ABLIM1: variants seen among roughly 807,000 people sequenced by gnomAD.
ABLIM1 encodes actin-binding LIM protein 1.
ABLIM1 carries 40 observed loss-of-function variants against 107.0 expected under a neutral mutation model. The ratio of observed to expected loss-of-function variants is 0.37; its 90% CI spans 0.29 to 0.49. The LOEUF (loss-of-function observed/expected upper bound fraction) is 0.49. ABLIM1 is among the 20% of genes least tolerant of loss of function. The pLI is 0.97. For missense variants in ABLIM1, 857 were observed against 1,008.5 expected, an observed-to-expected ratio of 0.85 and a Z score of 2.04; for synonymous variants, 357 against 357.3, an observed-to-expected ratio of 1.00 and a Z score of 0.01.
chr10:114,475,459 T>C (rs1278607274), intron 8 of ABLIM1, among the ~76,000 whole-genome samples: 1 of 152,216 alleles, frequency 6.6e-6, no homozygotes, highest in African/African-American at 2.4e-5. Flanking sequence ...CCTCATTAAC[T>C]TTAGTCATGC....
intron 1 of ABLIM1, among the ~76,000 whole-genome samples, chr10:114,628,317 A>G (rs2077949902): frequency 6.6e-6 from 1 of 152,254 alleles, no homozygotes; most frequent in Non-Finnish European, 1.5e-5. Flanking sequence ...TTTGATTGTC[A>G]TGAGTAAGAA....
At chr10:114,481,190 T>C (rs75518635) in intron 8 of ABLIM1, among the ~76,000 whole-genome samples, 5,059 of 152,132 alleles carry the variant, frequency 0.033, 242 homozygotes, top group African/African-American at 0.11. Context: ...AGTAAGTAGA[T>C]AAATGACATT....
At position 114,500,771 on chromosome 10, in the gene ABLIM1, G is replaced by GGGAAGGGAAGGGAAGGGAAA. The variant is rs2060318656; in HGVS notation, c.895-8894_895-8893insTTTCCCTTCCCTTCCCTTCC. On this transcript the variant is annotated intron_variant, in intron 6 of 22. Transcript: ENST00000533213. Reference sequence around the variant, plus strand: ...GGGAAGGGAAGGGAAGGGAAGGGAAGGGAAGGGAAGGGAAGGGAAGGGAGC... The same window carrying GGGAAGGGAAGGGAAGGGAAA: ...GGGAAGGGAAGGGAAGGGAAGGGAAGGGAAGGGAAGGGAAGGGAAAGGAAGGGAAGGGAAGGGAAGGGAGC... 4.5e-4 allele frequency among the ~76,000 whole-genome samples: 65 copies of GGGAAGGGAAGGGAAGGGAAA among 145,452 alleles called. 1 individual carries two copies. Among genetic ancestry groups the GGGAAGGGAAGGGAAGGGAAA allele is most frequent in the African/African-American group, 1.4e-3 (54 of 37,422 alleles).
intron 4 of ABLIM1, among the ~76,000 whole-genome samples, chr10:114,551,417 T>G (rs2068044091): frequency 6.6e-6 from 1 of 152,114 alleles, no homozygotes; most frequent in Non-Finnish European, 1.5e-5. Flanking sequence ...GGAGTTACAC[T>G]CTATACAAAT....
At chr10:114,590,641 C>A (rs570073591) in intron 2 of ABLIM1, among the ~76,000 whole-genome samples, 1 of 152,128 alleles carries the variant, frequency 6.6e-6, no homozygotes, top group Non-Finnish European at 1.5e-5. Flanking sequence ...AAGCCTGTCA[C>A]TGATGCTGAG....
At chr10:114,518,903 G>A (rs1471890470) in intron 6 of ABLIM1, among the ~76,000 whole-genome samples, 1 of 152,074 alleles carries the variant, frequency 6.6e-6, no homozygotes, top group Non-Finnish European at 1.5e-5. Context: ...CCTAGAAGCA[G>A]GTGGGAACTT....
intron 1 of ABLIM1, among the ~76,000 whole-genome samples, chr10:114,652,270 C>A (rs572416409): frequency 6.6e-6 from 1 of 152,270 alleles, no homozygotes; most frequent in East Asian, 1.9e-4. Context: ...ATACCCAAGA[C>A]GCTTCCCCTA....
At chr10:114,780,891 A>T in the ABLIM1 span, among the ~76,000 whole-genome samples, 1 of 152,146 alleles carries the variant, frequency 6.6e-6, no homozygotes, top group East Asian at 1.9e-4. Flanking sequence ...ATTTTGTTCT[A>T]AGTCCTTAAG....
chr10:114,599,607 G>A (rs1396457738), intron 2 of ABLIM1, among the ~76,000 whole-genome samples: 1 of 151,548 alleles, frequency 6.6e-6, no homozygotes, highest in African/African-American at 2.4e-5. Flanking sequence ...CCCCATCTCT[G>A]CTGAAAAAAA....
In ABLIM1 at chr10:114,509,408, C is replaced by T. The variant is rs187918437; in HGVS notation, c.895-17530G>A. Among the ~76,000 whole-genome samples, 489 of 152,222 alleles carry T rather than the reference C, an allele frequency of 3.2e-3. 1 individual carries two copies. The highest frequency in any genetic ancestry group is 6.8e-3 in the Middle Eastern group (2 of 294). ...TCTTTGCTCCCCTTGTCCCACCAGT[C>T]GGTCTCCAGGCTCTTATTATCCTTC... On this transcript the variant is annotated intron_variant, in intron 6 of 22. Coordinates refer to ENST00000533213, the MANE Select transcript of ABLIM1 (RefSeq NM_002313.7).
chr10:114,562,888 C>A (rs1016769033), intron 4 of ABLIM1, among the ~76,000 whole-genome samples: 5 of 152,114 alleles, frequency 3.3e-5, no homozygotes, highest in Admixed American at 1.3e-4. Context: ...CCAGTCCTTG[C>A]CGTTCAGTAG....
At chr10:114,559,190 C>T (rs1033028893) in intron 4 of ABLIM1, among the ~76,000 whole-genome samples, 11 of 151,902 alleles carry the variant, frequency 7.2e-5, no homozygotes, top group Admixed American at 4.6e-4. Context: ...GGTTCTCTTT[C>T]GCCTGAAAAT....
chr10:114,765,571 T>C (rs1007392868), intron 1 of ABLIM1, among the ~76,000 whole-genome samples: 3 of 152,192 alleles, frequency 2.0e-5, no homozygotes, highest in African/African-American at 7.2e-5. Flanking sequence ...AGCAGATGAC[T>C]GAATTGAAAC....
At chr10:114,651,609 T>C (rs1263891831) in intron 1 of ABLIM1, among the ~76,000 whole-genome samples, 1 of 152,106 alleles carries the variant, frequency 6.6e-6, no homozygotes, top group African/African-American at 2.4e-5. Context: ...GCTTGAAACG[T>C]ATGATTCTGG....
intron 1 of ABLIM1, among the ~76,000 whole-genome samples, chr10:114,695,069 G>A (rs944984222): frequency 6.6e-6 from 1 of 152,162 alleles, no homozygotes; most frequent in Non-Finnish European, 1.5e-5. Flanking sequence ...TATGTACTGA[G>A]AGTTTAGCAT....
At chr10:114,513,022 G>C (rs2062170306) in intron 6 of ABLIM1, among the ~76,000 whole-genome samples, 1 of 152,030 alleles carries the variant, frequency 6.6e-6, no homozygotes, top group South Asian at 2.1e-4. Context: ...TAGTCAAGAA[G>C]ACAGTCACCT....
At chr10:114,500,683 GAAAAA>G (rs71007473) in intron 6 of ABLIM1, among the ~76,000 whole-genome samples, 9 of 52,532 alleles carry the variant, frequency 1.7e-4, no homozygotes, top group African/African-American at 4.6e-4. Flanking sequence ...TGTGTCGAAA[GAAAAA>G]AAAAAAAAAA....
intron 12 of ABLIM1, among the ~76,000 whole-genome samples, chr10:114,460,814 C>A (rs1399100990): frequency 1.3e-5 from 2 of 152,176 alleles, no homozygotes; most frequent in African/African-American, 4.8e-5. Flanking sequence ...TGCCCATGGG[C>A]TTTTCAACTC....
In ABLIM1 at chr10:114,707,897, GT is replaced by G. The variant is rs2141915476; in HGVS notation, c.-213+60163del. Reference sequence around the variant, plus strand: ...GCCTGGGCGACAAGAGCAAAACTCCGTCTCAAAACAAACAAACAAACAAACA... The same window carrying G: ...GCCTGGGCGACAAGAGCAAAACTCCGCTCAAAACAAACAAACAAACAAACA... On this transcript the variant is annotated intron_variant, in intron 1 of 15. Coordinates refer to the ABLIM1 transcript ENST00000651092. This position sits in a 1 kb window ranked among gnomAD's most constrained non-coding sequence, Gnocchi z 4.1. Among the ~76,000 whole-genome samples the G allele has an allele frequency of 6.6e-6, 1 of 151,182 alleles. No homozygotes were observed. The highest frequency in any genetic ancestry group is 1.9e-4 in the East Asian group (1 of 5,140).
Sources: gnomAD v4.1 joint callset for allele counts (sites outside exome capture counted in the v4.1 genomes callset) on GRCh38, gnomAD v4.1.1 for gene constraint, Gnocchi (gnomAD v3.1) non-coding constraint, MANE v1.5 for transcripts, NCBI Gene and HGNC (gene_info 2026-07-23, HGNC 2026-07-21) for gene names.